GAB2: variants seen among roughly 807,000 people sequenced by gnomAD.
GAB2 encodes GRB2-associated-binding protein 2.
In GAB2, 26 loss-of-function variants were observed where a neutral mutation model predicts 65.5. That is an observed-to-expected ratio of 0.40 (90% CI 0.29 to 0.55). The LOEUF (loss-of-function observed/expected upper bound fraction) is 0.55, where lower values mean the gene tolerates loss of function less well. Among genes scored for constraint, GAB2 ranks in the 20% least tolerant of loss-of-function variants. The pLI, the probability that GAB2 is intolerant of heterozygous loss-of-function variation, is 0.53. For missense variants in GAB2, 884 were observed against 875.8 expected, an observed-to-expected ratio of 1.01 and a Z score of -0.12; for synonymous variants, 321 against 329.6, an observed-to-expected ratio of 0.97 and a Z score of 0.28.
At chr11:78,406,233 G>A (rs573779781) in intron 1 of GAB2, among the ~76,000 whole-genome samples, 20 of 152,288 alleles carry the variant, frequency 1.3e-4, no homozygotes, top group Admixed American at 5.9e-4. Flanking sequence ...GAGGTGGAAT[G>A]AAAAACCTGG....
intron 1 of GAB2, among the ~76,000 whole-genome samples, chr11:78,409,701 G>A (rs576973222): frequency 5.3e-5 from 8 of 152,070 alleles, no homozygotes; most frequent in East Asian, 3.9e-4. Flanking sequence ...CTCAACAATC[G>A]ACAGAAGAAC....
chr11:78,290,700 T>C (rs1591004900), intron 1 of GAB2, among the ~76,000 whole-genome samples: 1 of 152,298 alleles, frequency 6.6e-6, no homozygotes, highest in East Asian at 1.9e-4. Flanking sequence ...TTCTAAGATA[T>C]AAAGGGCCGC....
At chr11:78,243,950 A>T (rs1019031312) in intron 3 of GAB2, among the ~76,000 whole-genome samples, 43 of 152,360 alleles carry the variant, frequency 2.8e-4, no homozygotes, top group African/African-American at 9.1e-4. Flanking sequence ...CCAAGATTGA[A>T]CCCAAAAGAA....
intron 1 of GAB2, among the ~76,000 whole-genome samples, chr11:78,294,945 A>T (rs1328117967): frequency 6.6e-6 from 1 of 152,230 alleles, no homozygotes; most frequent in Non-Finnish European, 1.5e-5. Context: ...CATCAGAGTG[A>T]ACAGGCAACC....
intron 8 of GAB2, among the ~76,000 whole-genome samples, chr11:78,221,460 C>T (rs1195009934): frequency 1.3e-5 from 2 of 152,182 alleles, no homozygotes; most frequent in African/African-American, 4.8e-5. Context: ...ACCATGACTT[C>T]GTTGGGACAG....
In GAB2 at chr11:78,280,740, C is replaced by G. The variant is rs1199548347; in HGVS notation, c.237G>C (p.Glu79Asp). 7 of 1,614,058 alleles carry G rather than the reference C, an allele frequency of 4.3e-6. No individual in the cohort carries two copies. The highest frequency in any genetic ancestry group is 5.9e-6 in the Non-Finnish European group (7 of 1,180,020). The part of the protein sequence containing the change: ...VDAGLTFNKK[E>D]LQDSFVFDIK... ...TGTCAAACACAAAACTATCCTGCAG[C>G]TCCTTCTTGTTAAAGGTCAGGCCTG... Residue 79 changes from glutamate to aspartate, a missense_variant, in exon 2 of 10, where the codon GAG (glutamate) becomes GAC (aspartate). Glu to Asp is a conservative substitution (Grantham distance 45). Transcript: ENST00000361507.
intron 1 of GAB2, among the ~76,000 whole-genome samples, chr11:78,404,203 T>C (rs1045617309): frequency 1.3e-5 from 2 of 152,208 alleles, no homozygotes; most frequent in African/African-American, 4.8e-5. Flanking sequence ...TAAGTGTCCA[T>C]CAATCGATGA....
intron 2 of GAB2, among the ~76,000 whole-genome samples, chr11:78,274,490 A>C (rs913680284): frequency 6.6e-6 from 1 of 152,206 alleles, no homozygotes; most frequent in Non-Finnish European, 1.5e-5. Flanking sequence ...AGTGGGTTCT[A>C]TGTCTGTCTG....
In GAB2 at chr11:78,222,139, T is replaced by C; in HGVS notation, c.1624A>G (p.Lys542Glu). 1 of 1,613,922 alleles carries C rather than the reference T, an allele frequency of 6.2e-7. No homozygotes were observed. Among genetic ancestry groups the C allele is most frequent in the Non-Finnish European group, 8.5e-7 (1 of 1,179,810 alleles). ...NNTVIDELPF[K>E]SPITKSWSRA... ...GACCAAGACTTGGTGATAGGTGACT[T>C]GAAGGGGAGTTCATCGATGACGGTG... The change falls in exon 7 of 10, where the codon AAG (lysine) becomes GAG (glutamate). Residue 542 changes from lysine to glutamate, a missense_variant. By Grantham distance (56) the Lys-to-Glu change is moderately conservative (BLOSUM62 1). Transcript: ENST00000361507.
rs186895749 is a variant in GAB2 at position 78,390,604 on chromosome 11, C to T, written c.75+27042G>A. Among the ~76,000 whole-genome samples the T allele has an allele frequency of 3.9e-5, 6 of 152,104 alleles. No homozygotes were observed. The East Asian group carries it at 1.2e-3, about 29-fold the overall frequency. ...AAGAAATTGCTAAGAGACTGGTGGA[C>T]CTATAGAGGCCTATGGTTGGGACAA... is the stretch of plus-strand genomic sequence containing the variant. On this transcript the variant is annotated intron_variant, in intron 1 of 9. Transcript: ENST00000361507.
intron 1 of GAB2, 61 bp downstream of exon 1, chr11:78,417,585 G>T: frequency 1.5e-6 from 1 of 681,932 alleles, no homozygotes; most frequent in Non-Finnish European, 1.9e-6. Flanking sequence ...GGAGTCCCCC[G>T]CCCCTCCGCA....
intron 3 of GAB2, among the ~76,000 whole-genome samples, chr11:78,239,835 T>C (rs909160217): frequency 3.3e-5 from 5 of 152,290 alleles, no homozygotes; most frequent in Non-Finnish European, 7.4e-5. Context: ...CATAGCTGTG[T>C]TCCGTGTGGC....
intron 7 of GAB2, 27 bp downstream of exon 7, chr11:78,222,078 C>A: frequency 6.7e-7 from 1 of 1,482,106 alleles, no homozygotes; most frequent in Non-Finnish European, 9.4e-7. Flanking sequence ...CGACTCCAAG[C>A]TCCCACCCCC....
intron 1 of GAB2, among the ~76,000 whole-genome samples, chr11:78,351,330 A>G (rs964291059): frequency 2.0e-5 from 3 of 152,114 alleles, no homozygotes; most frequent in African/African-American, 7.2e-5. Context: ...TAGAAGTAAA[A>G]GCAGAACTGC....
At chr11:78,344,726 T>G (rs891951650) in intron 1 of GAB2, among the ~76,000 whole-genome samples, 2 of 152,242 alleles carry the variant, frequency 1.3e-5, no homozygotes, top group Admixed American at 6.5e-5. Context: ...AATTAATTCC[T>G]TCATCTTACT....
At chr11:78,304,629 A>G (rs1482829091) in intron 1 of GAB2, among the ~76,000 whole-genome samples, 2 of 152,174 alleles carry the variant, frequency 1.3e-5, no homozygotes, top group African/African-American at 4.8e-5. Context: ...AAGTTATTAA[A>G]AGTTTTTAAT....
intron 2 of GAB2, among the ~76,000 whole-genome samples, chr11:78,278,379 TTTTGTTTTTTG>T (rs1284942036): frequency 6.6e-6 from 1 of 151,660 alleles, no homozygotes; most frequent in Non-Finnish European, 1.5e-5. Context: ...CTGCTTTTTT[TTTTGTTTTTTG>T]TTTGTTTTTT....
chr11:78,363,450 T>G (rs1249996707), intron 1 of GAB2, among the ~76,000 whole-genome samples: 1 of 152,238 alleles, frequency 6.6e-6, no homozygotes, highest in Non-Finnish European at 1.5e-5. Context: ...CTTAAAAATA[T>G]GTATTCTCTC....
intron 1 of GAB2, among the ~76,000 whole-genome samples, chr11:78,308,653 A>C (rs943435935): frequency 2.0e-5 from 3 of 152,252 alleles, no homozygotes; most frequent in Non-Finnish European, 4.4e-5. Context: ...AAGTTCAAAA[A>C]TAAACAGAAC....
Sources: allele counts gnomAD v4.1 joint callset (sites outside exome capture counted in the v4.1 genomes callset), GRCh38; gene constraint gnomAD v4.1.1; transcripts MANE v1.5; gene names NCBI Gene and HGNC (gene_info 2026-07-23, HGNC 2026-07-21).